PSMD12: variants seen among roughly 807,000 people sequenced by gnomAD.
PSMD12 encodes the protein proteasome 26S subunit, non-ATPase 12, also known as 26S proteasome non-ATPase regulatory subunit 12.
In PSMD12, 8 loss-of-function variants were observed where a neutral mutation model predicts 62.9. The ratio of observed to expected loss-of-function variants is 0.13; its 90% CI spans 0.07 to 0.23. PSMD12 has a LOEUF of 0.23. Among genes scored for constraint, PSMD12 ranks in the 10% least tolerant of loss-of-function variants. The pLI, the probability that PSMD12 is intolerant of heterozygous loss-of-function variation, is 1.00. For synonymous variants in PSMD12, 173 were observed against 187.4 expected, an observed-to-expected ratio of 0.92 and a Z score of 0.63; for missense variants, 424 against 550.2, an observed-to-expected ratio of 0.77 and a Z score of 2.29.
chr17:67,355,810 T>C (rs774343772), intron 3 of PSMD12, among the ~76,000 whole-genome samples: 3 of 151,880 alleles, frequency 2.0e-5, no homozygotes, highest in Non-Finnish European at 4.4e-5. Flanking sequence ...ATGAGCAAAA[T>C]AGTCTCTCTA....
intron 1 of PSMD12, among the ~76,000 whole-genome samples, chr17:67,365,424 G>C (rs1044386097): frequency 1.3e-5 from 2 of 152,170 alleles, no homozygotes; most frequent in Non-Finnish European, 2.9e-5. Flanking sequence ...CTGAGGTGAG[G>C]ATCAAATGGC....
chr17:67,342,030 TTAAG>T (rs1286200312), intron 10 of PSMD12, among the ~76,000 whole-genome samples, 152 bp downstream of exon 10: 1 of 152,226 alleles, frequency 6.6e-6, no homozygotes, highest in Non-Finnish European at 1.5e-5. Flanking sequence ...CACTTGATAC[TTAAG>T]TTAGTTTTTG....
intron 10 of PSMD12, 49 bp from the exon 11 acceptor site, chr17:67,341,101 A>C: frequency 7.1e-7 from 1 of 1,400,176 alleles, no homozygotes; most frequent in Non-Finnish European, 9.6e-7. Flanking sequence ...AATTACAGAC[A>C]ATAAACAAAA....
intron 2 of PSMD12, 29 bp downstream of exon 2, chr17:67,357,490 A>C (rs1267985818): frequency 1.9e-6 from 3 of 1,612,840 alleles, no homozygotes; most frequent in Non-Finnish European, 2.5e-6. Flanking sequence ...AATTAATGGT[A>C]ACTGAGCTTT....
At chr17:67,359,423 T>C (rs1407573907) in intron 1 of PSMD12, among the ~76,000 whole-genome samples, 1 of 152,204 alleles carries the variant, frequency 6.6e-6, no homozygotes, top group East Asian at 1.9e-4. Context: ...TAAATATCTC[T>C]GACAATAAAT....
rs375209694 is a variant in PSMD12, at chr17:67,364,043, C to CG, written c.108+2368_108+2369insC. 7.8e-4 allele frequency among the ~76,000 whole-genome samples: 118 copies of CG among 152,066 alleles called. 1 individual carries two copies. Among genetic ancestry groups the CG allele is most frequent in the African/African-American group, 2.7e-3 (113 of 41,482 alleles). ...CAGCCTGGGCAACAAGAGCGAAACT[C>CG]TGTCTCGAAACAAAAAATAAAAAAA... On this transcript the variant is annotated intron_variant, in intron 1 of 10. Transcript: ENST00000356126.
In PSMD12 at chr17:67,350,290, A is replaced by G; in HGVS notation, c.344T>C (p.Ile115Thr). The G allele has an allele frequency of 6.2e-7, 1 of 1,613,420 alleles. No homozygotes were observed. The highest frequency in any genetic ancestry group is 1.3e-5 in the African/African-American group (1 of 75,036). Residue 115 changes from isoleucine (I) to threonine (T), a missense_variant, in exon 4 of 11, where the codon ATC becomes ACC. By Grantham distance (89) the Ile-to-Thr change is moderately conservative. Coordinates refer to ENST00000356126, the MANE Select transcript of PSMD12 (RefSeq NM_002816.5). ...TCGAAGTTTGATAGGAAGGTCTGTG[A>G]TTTCCTCAACATAAGTACAGCACTG... is the stretch of plus-strand genomic sequence containing the variant. The part of the protein sequence containing the change: ...VQQCCTYVEE[I>T]TDLPIKLRLI...
chr17:67,347,537 T>C (rs548189184), intron 5 of PSMD12, 52 bp from the exon 6 acceptor site: 4 of 1,511,490 alleles, frequency 2.6e-6, no homozygotes, highest in African/African-American at 1.4e-5. Context: ...ATTTTGTGAA[T>C]TGCAATAAAA....
chr17:67,351,347 G>A (rs1319129960), intron 3 of PSMD12, among the ~76,000 whole-genome samples: 2 of 150,748 alleles, frequency 1.3e-5, no homozygotes, highest in South Asian at 2.1e-4. Context: ...AGCCAAGATC[G>A]CGCCACTGCA....
At chr17:67,363,505 GGTA>G in intron 1 of PSMD12, among the ~76,000 whole-genome samples, 1 of 152,262 alleles carries the variant, frequency 6.6e-6, no homozygotes, top group South Asian at 2.1e-4. Context: ...CTCTTAAAGA[GGTA>G]GTAGCAAAAA....
chr17:67,356,489 C>T (rs1188152399), intron 3 of PSMD12, among the ~76,000 whole-genome samples: 4 of 119,710 alleles, frequency 3.3e-5, no homozygotes, highest in Non-Finnish European at 6.5e-5. Flanking sequence ...ACCCGGGAGG[C>T]GGAGCTTGCA....
At chr17:67,343,704 G>A (rs142070152) in intron 9 of PSMD12, among the ~76,000 whole-genome samples, 40 of 152,172 alleles carry the variant, frequency 2.6e-4, no homozygotes, top group African/African-American at 9.4e-4. Flanking sequence ...AGAGTAATGG[G>A]TAATGTCTGT....
chr17:67,344,869 ACTG>A, intron 8 of PSMD12, 89 bp from the exon 9 acceptor site: 1 of 1,117,646 alleles, frequency 8.9e-7, no homozygotes, highest in East Asian at 2.6e-5. Context: ...TTCAGCAAAG[ACTG>A]TTTTCGTTAA....
chr17:67,363,362 C>G (rs569107714), intron 1 of PSMD12, among the ~76,000 whole-genome samples: 1 of 152,272 alleles, frequency 6.6e-6, no homozygotes, highest in East Asian at 1.9e-4. Flanking sequence ...TTAGGCTGGC[C>G]TCAAACTCCT....
intron 3 of PSMD12, among the ~76,000 whole-genome samples, chr17:67,354,718 G>A (rs1036752905): frequency 6.6e-6 from 1 of 152,086 alleles, no homozygotes; most frequent in Non-Finnish European, 1.5e-5. Context: ...GGCTGGGTGT[G>A]GTGGCTCATG....
At position 67,339,283 on chromosome 17, in the gene PSMD12, T is replaced by TA. The variant is rs1433772371; in HGVS notation, c.*1559_*1560insT. 2.7e-5 allele frequency: 2 copies of TA among 75,402 alleles called. No individual in the cohort carries two copies. Among genetic ancestry groups the TA allele is most frequent in the African/African-American group, 1.0e-4 (2 of 19,460 alleles). The allele number at this position is 75,402 out of a possible 1,614,324, so 4.7% of individuals were successfully genotyped here. ...CCACCACGCCCGGCAAATTTTTGTA[T>TA]TTTTTTTAGTAGAGACAGGGTTTTG... On this transcript the variant is annotated 3_prime_UTR_variant, in exon 11 of 11. Coordinates refer to ENST00000356126, the MANE Select transcript of PSMD12 (RefSeq NM_002816.5).
Position 67,339,477 on chromosome 17 carries a change from G to A in PSMD12, c.*1366C>T, listed in dbSNP as rs1285787165. 6.6e-6 allele frequency: 1 copy of A among 152,060 alleles called. No individual in the cohort carries two copies. The highest frequency in any genetic ancestry group is 1.9e-4 in the East Asian group (1 of 5,186). 9.4% of individuals were successfully genotyped at this position (152,060 alleles called of 1,614,324 possible). A position where few individuals can be genotyped will look rare whatever the true frequency, so the allele number is the denominator to read the frequency against. On this transcript the variant is annotated 3_prime_UTR_variant, in exon 11 of 11. Transcript: ENST00000356126. ...GTGACCAATGCATTGAATTTCCAAA[G>A]AATAAAATCAGATTACTTCAGTACT... is the stretch of plus-strand genomic sequence containing the variant.
chr17:67,343,111 A>G (rs940035914), intron 9 of PSMD12, among the ~76,000 whole-genome samples: 60 of 152,132 alleles, frequency 3.9e-4, no homozygotes, highest in African/African-American at 1.3e-3. Flanking sequence ...ATTATTAACA[A>G]TAGCACTCAA....
chr17:67,354,754 C>A (rs140660273), intron 3 of PSMD12, among the ~76,000 whole-genome samples: 1,644 of 152,218 alleles, frequency 0.011, 13 homozygotes, highest in Non-Finnish European at 0.017. Context: ...CTTTGAGAAG[C>A]TGAGGTGGGT....
Sources: gnomAD v4.1 joint callset for allele counts (sites outside exome capture counted in the v4.1 genomes callset) on GRCh38, gnomAD v4.1.1 for gene constraint, MANE v1.5 for transcripts, NCBI Gene and HGNC (gene_info 2026-07-23, HGNC 2026-07-21) for gene names.